The following DSTN variants were observed in gnomAD, a reference collection of about 807,000 sequenced individuals.
DSTN encodes the protein destrin, actin depolymerizing factor, also known as destrin.
Under a neutral mutation model 16.8 loss-of-function variants are expected in DSTN, and 10 were observed. The ratio of observed to expected loss-of-function variants is 0.60; its 90% CI spans 0.37 to 1.01. The LOEUF (loss-of-function observed/expected upper bound fraction) is 1.01. Ranked by LOEUF, DSTN falls within the 50% of genes least tolerant of loss-of-function variation. The probability of loss-of-function intolerance (pLI) is 0.01; values close to 1 mark genes in which losing one functional copy is unlikely to be tolerated. For synonymous variants in DSTN, 57 were observed against 58.9 expected (o/e 0.97, Z 0.14); for missense variants, 141 against 196.7 (o/e 0.72, Z 1.69).
chr20:17,570,567 C>A (rs1414808908), intron 1 of DSTN, among the ~76,000 whole-genome samples: 1 of 152,088 alleles, frequency 6.6e-6, no homozygotes, highest in Non-Finnish European at 1.5e-5. Flanking sequence ...GGTCTGCACA[C>A]CGAGGCCGGG....
intron 1 of DSTN, among the ~76,000 whole-genome samples, chr20:17,590,283 C>T (rs2035455722): frequency 1.3e-5 from 2 of 152,172 alleles, no homozygotes; most frequent in Admixed American, 6.5e-5. Flanking sequence ...TGAGTAGTAA[C>T]ATTTTTAAAG....
intron 1 of DSTN, among the ~76,000 whole-genome samples, chr20:17,580,763 A>G (rs2122170316): frequency 6.6e-6 from 1 of 151,530 alleles, no homozygotes; most frequent in Admixed American, 6.6e-5. Flanking sequence ...AAAAAAAAAA[A>G]TGGGAAGTAC....
At chr20:17,605,550 A>G (rs1382823736) in intron 3 of DSTN, among the ~76,000 whole-genome samples, 1 of 151,774 alleles carries the variant, frequency 6.6e-6, no homozygotes, top group Non-Finnish European at 1.5e-5. Flanking sequence ...CTTAGTTCGG[A>G]AAAAAAAATT....
intron 2 of DSTN, among the ~76,000 whole-genome samples, chr20:17,601,701 G>A (rs2035589072): frequency 6.6e-6 from 1 of 152,186 alleles, no homozygotes; most frequent in Non-Finnish European, 1.5e-5. Flanking sequence ...GTTGGGCAGT[G>A]TTACTCTTAG....
chr20:17,596,548 A>G (rs1378978942), intron 1 of DSTN: 1 of 877,962 alleles, frequency 1.1e-6, no homozygotes, highest in Non-Finnish European at 1.4e-6. Flanking sequence ...TTTGACTTTG[A>G]CATGTCCTTG....
At chr20:17,571,971 C>T (rs1160832567) in intron 1 of DSTN, among the ~76,000 whole-genome samples, 1 of 152,084 alleles carries the variant, frequency 6.6e-6, no homozygotes, top group Non-Finnish European at 1.5e-5. Flanking sequence ...TTATAGACCC[C>T]CCATTTTTAA....
intron 1 of DSTN, among the ~76,000 whole-genome samples, chr20:17,579,378 C>G (rs1437736282): frequency 6.6e-6 from 1 of 151,966 alleles, no homozygotes; most frequent in Non-Finnish European, 1.5e-5. Flanking sequence ...AGTTCGAGAC[C>G]GGCCTGAGCA....
intron 1 of DSTN, chr20:17,596,911 T>C: frequency 1.4e-6 from 1 of 731,178 alleles, no homozygotes; most frequent in Non-Finnish European, 1.7e-6. Flanking sequence ...TTTAGAATGT[T>C]TGAGATGCTT....
chr20:17,578,051 CT>C (rs2035299533), intron 1 of DSTN, among the ~76,000 whole-genome samples: 2 of 152,228 alleles, frequency 1.3e-5, no homozygotes, highest in Non-Finnish European at 2.9e-5. Flanking sequence ...CAACCTAAGA[CT>C]TTGTGAGTTG....
At chr20:17,604,508 T>C (rs769713087) in intron 2 of DSTN, 47 bp from the exon 3 acceptor site, 26 of 1,566,780 alleles carry the variant, frequency 1.7e-5, no homozygotes, top group East Asian at 2.2e-5. Context: ...TTGCAAGTTA[T>C]ACTTTCTCTA....
At chr20:17,589,359 C>T (rs1310409061) in intron 1 of DSTN, among the ~76,000 whole-genome samples, 1 of 152,098 alleles carries the variant, frequency 6.6e-6, no homozygotes, top group Non-Finnish European at 1.5e-5. Context: ...TACAGGCACA[C>T]ACCACCATGC....
intron 1 of DSTN, among the ~76,000 whole-genome samples, chr20:17,583,706 A>T (rs2035371475): frequency 7.1e-6 from 1 of 141,826 alleles, no homozygotes; most frequent in African/African-American, 2.6e-5. Flanking sequence ...AGTGGGAATG[A>T]GGAATGACTG....
chr20:17,581,955 T>C (rs896958315), intron 1 of DSTN, among the ~76,000 whole-genome samples: 1 of 152,194 alleles, frequency 6.6e-6, no homozygotes, highest in Non-Finnish European at 1.5e-5. Flanking sequence ...AGCCATTTAA[T>C]ATATATTCTC....
At chr20:17,588,652 C>T (rs533287804) in intron 1 of DSTN, among the ~76,000 whole-genome samples, 46 of 152,148 alleles carry the variant, frequency 3.0e-4, no homozygotes, top group Admixed American at 9.2e-4. Context: ...GGTATGGTGG[C>T]GGGCGCCTGT....
chr20:17,600,992 T>G lies in DSTN; in HGVS notation c.258T>G (p.Asp86Glu), dbSNP rs2035580981. 6.2e-7 allele frequency: 1 copy of G among 1,609,622 alleles called. No individual in the cohort carries two copies. ...AAGATTGTCGCTATGCTTTGTATGA[T>G]GCAAGCTTTGAAACAAAAGAATCCA... ...PEKDCRYALY[D>E]ASFETKESRK... Residue 86 changes from aspartate (D) to glutamate (E), a missense_variant, in exon 2 of 4, where the codon GAT becomes GAG. Physicochemically the swap from Asp to Glu is conservative, Grantham distance 45 (BLOSUM62 2). Transcript: ENST00000246069.
chr20:17,586,475 T>G (rs777051982), intron 1 of DSTN, among the ~76,000 whole-genome samples: 32 of 152,346 alleles, frequency 2.1e-4, no homozygotes, highest in South Asian at 1.0e-3. Context: ...AATTGAATCT[T>G]ACTGTGTTGA....
At chr20:17,584,993 T>A (rs913386273) in intron 1 of DSTN, among the ~76,000 whole-genome samples, 7 of 152,218 alleles carry the variant, frequency 4.6e-5, no homozygotes, top group Non-Finnish European at 7.3e-5. Context: ...TTTAGTATTA[T>A]GTAGATTATT....
rs747346761 is a variant in DSTN at position 17,574,681 on chromosome 20, G to T, written c.3+4470G>T. ...GCGGAGGTTGTAGTGAGCTAAGATC[G>T]CACCATTGCACTCCAGCCTGGGTGA... On this transcript the variant is annotated intron_variant, in intron 1 of 3. Coordinates refer to ENST00000246069, the MANE Select transcript of DSTN (RefSeq NM_006870.4). Among the ~76,000 whole-genome samples, 3 of 126,966 alleles carry T rather than the reference G, an allele frequency of 2.4e-5. No homozygotes were observed. The East Asian group carries it at 7.4e-4, about 31-fold the overall frequency. 83.3% of individuals were successfully genotyped at this position (126,966 alleles called of 152,430 possible). A position where few individuals can be genotyped will look rare whatever the true frequency, so the allele number is the denominator to read the frequency against.
chr20:17,605,039 A>C, intron 3 of DSTN: 1 of 456,658 alleles, frequency 2.2e-6, no homozygotes, highest in East Asian at 6.9e-5. Context: ...TAAATGAGAA[A>C]GGATGCTCTT....
Sources: allele counts gnomAD v4.1 joint callset (sites outside exome capture counted in the v4.1 genomes callset), GRCh38; gene constraint gnomAD v4.1.1; transcripts MANE v1.5; gene names NCBI Gene and HGNC (gene_info 2026-07-23, HGNC 2026-07-21).